Variants in MIGA1 observed in about 807,000 individuals in gnomAD.
The protein encoded by MIGA1 is family with sequence similarity 73, member A.
In MIGA1, 58 loss-of-function variants were observed where a neutral mutation model predicts 82.0. That is an observed-to-expected ratio of 0.71 (90% CI 0.57 to 0.88). MIGA1 has a LOEUF of 0.88. Ranked by LOEUF, MIGA1 falls within the 40% of genes least tolerant of loss-of-function variation. MIGA1 has a pLI of 0.00. For missense variants in MIGA1, 751 were observed against 749.1 expected (o/e 1.00, Z -0.03); for synonymous variants, 249 against 253.6 (o/e 0.98, Z 0.17).
intron 5 of MIGA1, among the ~76,000 whole-genome samples, chr1:77,807,306 C>T (rs866586992): frequency 3.9e-5 from 6 of 152,000 alleles, no homozygotes; most frequent in Non-Finnish European, 7.4e-5. Context: ...GGACCACAGG[C>T]GCATACCACC....
chr1:77,858,932 T>C lies in MIGA1; in HGVS notation c.997-6T>C. The C allele has an allele frequency of 1.3e-6, 2 of 1,568,674 alleles. No homozygotes were observed. The highest frequency in any genetic ancestry group is 1.8e-6 in the Non-Finnish European group (2 of 1,138,656). ...TGTATTCTGTTCTAACCCACCGTGC[T>C]CTTAGCTTGCAGAACACAGAGAAGT... is the stretch of plus-strand genomic sequence containing the variant. On this transcript the variant is annotated splice_region_variant and splice_polypyrimidine_tract_variant and intron_variant, in intron 8 of 15. Coordinates refer to ENST00000370791, the MANE Select transcript of MIGA1 (RefSeq NM_198549.4).
intron 7 of MIGA1, among the ~76,000 whole-genome samples, chr1:77,835,113 TTGG>T (rs1158006317): frequency 1.3e-4 from 20 of 152,170 alleles, no homozygotes; most frequent in African/African-American, 4.8e-4. Context: ...GAAAACCCAC[TTGG>T]ATTGGTCTAA....
chr1:77,869,746 C>CA (rs1473845282), intron 14 of MIGA1, among the ~76,000 whole-genome samples: 4 of 114,010 alleles, frequency 3.5e-5, no homozygotes, highest in Admixed American at 7.7e-5. Flanking sequence ...CGACCCCCCC[C>CA]CCGCCTGCCT....
intron 5 of MIGA1, among the ~76,000 whole-genome samples, chr1:77,809,049 T>G (rs954867214): frequency 6.6e-6 from 1 of 152,080 alleles, no homozygotes; most frequent in African/African-American, 2.4e-5. Flanking sequence ...AGTTCAAGGT[T>G]ACAGTGAGCT....
intron 2 of MIGA1, among the ~76,000 whole-genome samples, chr1:77,799,741 T>C (rs1380953115): frequency 2.0e-5 from 3 of 152,090 alleles, no homozygotes; most frequent in Non-Finnish European, 4.4e-5. Flanking sequence ...TTACAGACCT[T>C]TGTGAGGTCT....
At chr1:77,864,716 T>C (rs1266990533) in intron 13 of MIGA1, among the ~76,000 whole-genome samples, 1 of 152,192 alleles carries the variant, frequency 6.6e-6, no homozygotes, top group African/African-American at 2.4e-5. Flanking sequence ...AAGATTTACA[T>C]ATACATCTGT....
At chr1:77,790,439 TG>T (rs1163221884) in intron 2 of MIGA1, among the ~76,000 whole-genome samples, 1 of 152,114 alleles carries the variant, frequency 6.6e-6, no homozygotes, top group African/African-American at 2.4e-5. Context: ...GCTAATTTTT[TG>T]TATTTTTAGT....
intron 14 of MIGA1, among the ~76,000 whole-genome samples, chr1:77,870,243 C>T (rs1273583290): frequency 1.2e-3 from 152 of 128,130 alleles, no homozygotes; most frequent in African/African-American, 4.4e-3. Flanking sequence ...ACCTCCCTCC[C>T]GGTCGGGGTG....
chr1:77,843,486 C>T, intron 8 of MIGA1, 79 bp downstream of exon 8: 7 of 1,070,246 alleles, frequency 6.5e-6, no homozygotes, highest in Non-Finnish European at 1.0e-5. Context: ...TACTGTAATT[C>T]AGTTTGGTCA....
intron 14 of MIGA1, among the ~76,000 whole-genome samples, chr1:77,869,358 G>A (rs919757651): frequency 4.7e-5 from 7 of 148,176 alleles, no homozygotes; most frequent in Admixed American, 2.7e-4. Context: ...ACACAGACCC[G>A]GCAACCATCC....
intron 7 of MIGA1, among the ~76,000 whole-genome samples, chr1:77,839,807 A>G (rs1539738): frequency 0.24 from 36,967 of 151,994 alleles, 5,737 homozygotes; most frequent in Non-Finnish European, 0.35. Context: ...CAGTGGTGCA[A>G]TCTTGGCTCA....
chr1:77,834,245 A>C (rs1306721177), intron 7 of MIGA1, among the ~76,000 whole-genome samples: 1 of 152,024 alleles, frequency 6.6e-6, no homozygotes, highest in South Asian at 2.1e-4. Context: ...GCGTGATCCT[A>C]ACTCACTGCA....
At chr1:77,804,433 A>G (rs1395262922) in intron 4 of MIGA1, among the ~76,000 whole-genome samples, 1 of 152,208 alleles carries the variant, frequency 6.6e-6, no homozygotes, top group African/African-American at 2.4e-5. Flanking sequence ...ATATACAATG[A>G]GAGCTGGGTG....
intron 8 of MIGA1, chr1:77,848,050 G>C: frequency 7.7e-7 from 1 of 1,293,960 alleles, no homozygotes; most frequent in Non-Finnish European, 1.1e-6. Context: ...CACACGAAAG[G>C]ATCACGAACA....
rs1646895765 is a variant in MIGA1, at chr1:77,876,584, G to C, written c.*1520G>C. 6.6e-6 allele frequency: 1 copy of C among 152,160 alleles called. No individual in the cohort carries two copies. The highest frequency in any genetic ancestry group is 2.4e-5 in the African/African-American group (1 of 41,448). The allele number at this position is 152,160 out of a possible 1,614,324, so 9.4% of individuals were successfully genotyped here. Reference sequence around the variant, plus strand: ...CTGAAGGTATGAAACTTGGTACAGTGAAATAATTTCTCCTTTCTCCTTCCT... The same window carrying C: ...CTGAAGGTATGAAACTTGGTACAGTCAAATAATTTCTCCTTTCTCCTTCCT... On this transcript the variant is annotated 3_prime_UTR_variant, in exon 16 of 16. Coordinates refer to ENST00000370791, the MANE Select transcript of MIGA1 (RefSeq NM_198549.4).
At chr1:77,830,428 T>C (rs1684199040) in intron 7 of MIGA1, among the ~76,000 whole-genome samples, 1 of 152,228 alleles carries the variant, frequency 6.6e-6, no homozygotes, top group African/African-American at 2.4e-5. Context: ...CATTTGAATA[T>C]TAACAACTCT....
chr1:77,872,881 TA>T, intron 14 of MIGA1, 122 bp from the exon 15 acceptor site: 1 of 1,339,810 alleles, frequency 7.5e-7, no homozygotes, highest in Non-Finnish European at 1.0e-6. Flanking sequence ...ACTCTGGTTC[TA>T]AAAAACAAAT....
chr1:77,837,816 T>C (rs1333826871), intron 7 of MIGA1, among the ~76,000 whole-genome samples: 1 of 152,206 alleles, frequency 6.6e-6, no homozygotes, highest in African/African-American at 2.4e-5. Context: ...ATGAGTGGTA[T>C]ATACTTGGCA....
intron 14 of MIGA1, among the ~76,000 whole-genome samples, chr1:77,869,740 C>A (rs1571022426): frequency 2.8e-5 from 3 of 107,840 alleles, no homozygotes; most frequent in East Asian, 3.1e-4. Context: ...GCTGGCCGAC[C>A]CCCCCCCCGC....
Sources: gnomAD v4.1 joint callset for allele counts (sites outside exome capture counted in the v4.1 genomes callset) on GRCh38, gnomAD v4.1.1 for gene constraint, MANE v1.5 for transcripts, NCBI Gene and HGNC (gene_info 2026-07-23, HGNC 2026-07-21) for gene names.